Variants in AKAP6 observed in about 807,000 individuals in gnomAD.
AKAP6 encodes the protein A-kinase anchor protein 6.
Under a neutral mutation model 188.5 loss-of-function variants are expected in AKAP6, and 58 were observed. The ratio of observed to expected loss-of-function variants is 0.31; its 90% CI spans 0.25 to 0.38. The LOEUF (loss-of-function observed/expected upper bound fraction) is 0.38, where lower values mean the gene tolerates loss of function less well. Among genes scored for constraint, AKAP6 ranks in the 10% least tolerant of loss-of-function variants. The pLI is 1.00. For missense variants in AKAP6, 2,710 were observed against 2,740.0 expected (o/e 0.99, Z 0.24); for synonymous variants, 989 against 998.6 (o/e 0.99, Z 0.18).
chr14:32,469,748 G>A (rs532804951), intron 2 of AKAP6, among the ~76,000 whole-genome samples: 39 of 143,568 alleles, frequency 2.7e-4, no homozygotes, highest in East Asian at 1.4e-3. Flanking sequence ...GTCTTGGCTC[G>A]TCAGCCAGAC....
intron 2 of AKAP6, among the ~76,000 whole-genome samples, chr14:32,483,570 C>T (rs181719409): frequency 6.4e-4 from 97 of 152,136 alleles, no homozygotes; most frequent in African/African-American, 2.1e-3. Flanking sequence ...CTGCAACCTC[C>T]GCCTCCCCGG....
intron 7 of AKAP6, among the ~76,000 whole-genome samples, chr14:32,629,042 T>C (rs1887144222): frequency 6.6e-6 from 1 of 152,094 alleles, no homozygotes; most frequent in South Asian, 2.1e-4. Flanking sequence ...GAATCTTCTA[T>C]TACTACTCCT....
chr14:32,664,973 C>T (rs1888859143), intron 7 of AKAP6, among the ~76,000 whole-genome samples: 1 of 152,106 alleles, frequency 6.6e-6, no homozygotes, highest in African/African-American at 2.4e-5. Context: ...GCATTTCAAT[C>T]TTTAAGTGAA....
chr14:32,393,350 C>A (rs1888771354), intron 1 of AKAP6, among the ~76,000 whole-genome samples: 2 of 152,128 alleles, frequency 1.3e-5, no homozygotes, highest in South Asian at 4.2e-4. Flanking sequence ...TATAAAATAA[C>A]AGGCTGGTAC....
chr14:32,425,061 C>T (rs776727068), intron 1 of AKAP6, among the ~76,000 whole-genome samples: 1 of 152,132 alleles, frequency 6.6e-6, no homozygotes, highest in Non-Finnish European at 1.5e-5. Context: ...TTTGAGGAAT[C>T]ACCACATTGA....
At chr14:32,722,174 AAC>A (rs1566666708) in intron 9 of AKAP6, among the ~76,000 whole-genome samples, 3 of 152,136 alleles carry the variant, frequency 2.0e-5, no homozygotes, top group South Asian at 2.1e-4. Flanking sequence ...TAGCTCATTC[AAC>A]AGCTTGACCC....
chr14:32,715,383 T>C (rs527641810), intron 9 of AKAP6, among the ~76,000 whole-genome samples: 142 of 152,158 alleles, frequency 9.3e-4, no homozygotes, highest in Admixed American at 2.2e-3. Context: ...TGGTGTGCTG[T>C]GGAGAACCAA....
At chr14:32,817,977 C>T (rs918018941) in intron 12 of AKAP6, among the ~76,000 whole-genome samples, 8 of 152,118 alleles carry the variant, frequency 5.3e-5, no homozygotes, top group Non-Finnish European at 8.8e-5. Context: ...ACTTTTCCCA[C>T]TTTCTTGCCC....
chr14:32,476,344 G>C (rs1240322430), intron 2 of AKAP6, among the ~76,000 whole-genome samples: 1 of 152,142 alleles, frequency 6.6e-6, no homozygotes, highest in Non-Finnish European at 1.5e-5. Context: ...CTTCCTTACT[G>C]AGTTGAGAGG....
intron 1 of AKAP6, among the ~76,000 whole-genome samples, chr14:32,378,373 G>A (rs772925351): frequency 1.1e-4 from 16 of 152,164 alleles, no homozygotes; most frequent in Admixed American, 6.5e-4. Flanking sequence ...ATTAAGCATG[G>A]AATAATAAGA....
At chr14:32,739,256 A>G (rs925250323) in intron 11 of AKAP6, among the ~76,000 whole-genome samples, 14 of 152,050 alleles carry the variant, frequency 9.2e-5, no homozygotes, top group African/African-American at 3.1e-4. Context: ...GGTCCATAGT[A>G]GGTGTATATA....
intron 9 of AKAP6, among the ~76,000 whole-genome samples, chr14:32,713,095 A>C (rs2029984127): frequency 2.6e-5 from 4 of 152,056 alleles, no homozygotes; most frequent in Admixed American, 2.6e-4. Flanking sequence ...AACAGTAGTA[A>C]TCTCCTTGTA....
At chr14:32,794,681 T>A (rs1179396110) in intron 12 of AKAP6, among the ~76,000 whole-genome samples, 1 of 152,130 alleles carries the variant, frequency 6.6e-6, no homozygotes. Flanking sequence ...TAAATGCCCA[T>A]ATCAAAAAGC....
chr14:32,823,326 A>G lies in AKAP6; in HGVS notation c.5513A>G (p.Asn1838Ser), dbSNP rs778521546. ...SKDISSSEMT[N>S]PSDTLNIETL... ...GATATAAGTAGCAGTGAGATGACCA[A>G]TCCCTCTGATACTCTGAATATTGAG... is the stretch of plus-strand genomic sequence containing the variant. Residue 1838 changes from asparagine (N) to serine (S), a missense_variant, in exon 13 of 14, where the codon AAT becomes AGT. By Grantham distance (46) the Asn-to-Ser change is conservative. Around this residue, in one of 2 missense-constraint regions of AKAP6, gnomAD observed 2,473 missense variants for 2,426.1 expected, o/e 1.02. Coordinates refer to ENST00000280979, the MANE Select transcript of AKAP6 (RefSeq NM_004274.5). 1.9e-6 allele frequency: 3 copies of G among 1,613,762 alleles called. No homozygotes were observed. The African/African-American group carries it at 4.0e-5, about 22-fold the overall frequency.
intron 7 of AKAP6, among the ~76,000 whole-genome samples, chr14:32,666,100 A>C (rs1888923188): frequency 6.6e-6 from 1 of 152,154 alleles, no homozygotes; most frequent in South Asian, 2.1e-4. Context: ...TGACTTCAGT[A>C]AATTGGTTAA....
chr14:32,745,450 A>T (rs902558687), intron 11 of AKAP6, among the ~76,000 whole-genome samples: 1 of 150,802 alleles, frequency 6.6e-6, no homozygotes, highest in Non-Finnish European at 1.5e-5. Flanking sequence ...TGCCAAACAA[A>T]TATTTATTCA....
At chr14:32,580,570 T>C (rs2139278426) in intron 5 of AKAP6, among the ~76,000 whole-genome samples, 1 of 152,332 alleles carries the variant, frequency 6.6e-6, no homozygotes, top group African/African-American at 2.4e-5. Context: ...ATTATTATTA[T>C]ACTTTAAGTT....
At chr14:32,661,367 T>C (rs1249360075) in intron 7 of AKAP6, among the ~76,000 whole-genome samples, 1 of 151,942 alleles carries the variant, frequency 6.6e-6, no homozygotes, top group Non-Finnish European at 1.5e-5. Flanking sequence ...CCCTGGATAT[T>C]TAAAGGGAAG....
rs774024092 is a variant in AKAP6, at chr14:32,824,164, T to G, written c.6351T>G (p.Ser2117=). The G allele has an allele frequency of 6.2e-7, 1 of 1,613,960 alleles. No individual in the cohort carries two copies. Among genetic ancestry groups the G allele is most frequent in the South Asian group, 1.1e-5 (1 of 91,082 alleles). The change falls in exon 13 of 14, where the codon TCT becomes TCG. Residue 2117 remains serine (S), a synonymous_variant. Transcript: ENST00000280979. ...TTTATTCGTACTTATCTCTCTCATC[T>G]CATGACAGTGATTGTGGGGAGGTCA... ...GDFYSYLSLS[S]HDSDCGEVTN...
Sources: gnomAD v4.1 joint callset for allele counts (sites outside exome capture counted in the v4.1 genomes callset) on GRCh38, gnomAD v4.1.1 for gene constraint, gnomAD v4.1.1 regional missense constraint, MANE v1.5 for transcripts, NCBI Gene and HGNC (gene_info 2026-07-23, HGNC 2026-07-21) for gene names.